The following MB21D2 variants were observed in gnomAD, a reference collection of about 807,000 sequenced individuals.
MB21D2 encodes the protein Mab-21 domain containing 2.
Under a neutral mutation model 33.3 loss-of-function variants are expected in MB21D2, and 9 were observed. The ratio of observed to expected loss-of-function variants is 0.27; its 90% CI spans 0.16 to 0.47. MB21D2 has a LOEUF of 0.47. MB21D2 is among the 20% of genes least tolerant of loss of function. MB21D2 has a pLI of 0.99. For missense variants in MB21D2, 540 were observed against 624.6 expected (o/e 0.86, Z 1.44); for synonymous variants, 241 against 236.3 (o/e 1.02, Z -0.18).
At position 192,899,191 on chromosome 3, in the gene MB21D2, T is replaced by C. The variant is rs147039236; in HGVS notation, c.211+18439A>G. 4.3e-4 allele frequency among the ~76,000 whole-genome samples: 66 copies of C among 152,188 alleles called. 1 individual carries two copies. In the East Asian group the frequency reaches 0.011, roughly 26 times the overall value. Reference sequence around the variant, plus strand: ...TGGTTATAGGAGAGGAAGCTAGAGATGTGGGCTGGAGCTGGGTTTCCAAGA... The same window carrying C: ...TGGTTATAGGAGAGGAAGCTAGAGACGTGGGCTGGAGCTGGGTTTCCAAGA... On this transcript the variant is annotated intron_variant, in intron 1 of 1. Transcript: ENST00000392452.
At position 192,914,710 on chromosome 3, in the gene MB21D2, C is replaced by T. The variant is rs560665380; in HGVS notation, c.211+2920G>A. ...AGACAATTGCAGCTAACACCTGCCT[C>T]CAAAAAAAAATCAGAATCTCTGTAC... On this transcript the variant is annotated intron_variant, in intron 1 of 1. Transcript: ENST00000392452. 2.0e-5 allele frequency among the ~76,000 whole-genome samples: 3 copies of T among 151,936 alleles called. No individual in the cohort carries two copies. The South Asian group carries it at 6.2e-4, about 32-fold the overall frequency.
intron 1 of MB21D2, among the ~76,000 whole-genome samples, chr3:192,835,589 G>A (rs1342407001): frequency 6.6e-6 from 1 of 151,086 alleles, no homozygotes; most frequent in Admixed American, 6.6e-5. Flanking sequence ...ATGACAATTT[G>A]ATCTAATTTC....
intron 1 of MB21D2, among the ~76,000 whole-genome samples, chr3:192,849,007 T>C (rs1379191753): frequency 1.3e-5 from 2 of 152,148 alleles, no homozygotes; most frequent in African/African-American, 2.4e-5. Flanking sequence ...TTTTTATTTC[T>C]TGGGCTCATC....
intron 1 of MB21D2, among the ~76,000 whole-genome samples, chr3:192,853,765 T>A (rs1301063991): frequency 2.6e-5 from 4 of 152,196 alleles, no homozygotes; most frequent in Admixed American, 6.5e-5. Context: ...TCTGTGGCAA[T>A]CCTGCATCGA....
Position 192,864,726 on chromosome 3 carries a change from C to T in MB21D2, c.211+52904G>A, listed in dbSNP as rs553725383. On this transcript the variant is annotated intron_variant, in intron 1 of 1. Transcript: ENST00000392452. ...TTCGCCATGTTGGCCAGGCTGGTCTCGGACTCCTAAGCTCAGGTGATCTGC... is the reference window on the plus strand; with the variant it reads ...TTCGCCATGTTGGCCAGGCTGGTCTTGGACTCCTAAGCTCAGGTGATCTGC... Among the ~76,000 whole-genome samples the T allele has an allele frequency of 3.0e-4, 45 of 152,212 alleles. No homozygotes were observed. In the South Asian group the frequency reaches 3.9e-3, roughly 13 times the overall value.
chr3:192,810,603 A>G (rs1339579997), intron 1 of MB21D2, among the ~76,000 whole-genome samples: 1 of 152,226 alleles, frequency 6.6e-6, no homozygotes, highest in Non-Finnish European at 1.5e-5. Context: ...AATAGTAGAT[A>G]TAATAGTAAA....
At chr3:192,900,880 A>G (rs1714083647) in intron 1 of MB21D2, among the ~76,000 whole-genome samples, 2 of 151,248 alleles carry the variant, frequency 1.3e-5, no homozygotes, top group African/African-American at 4.9e-5. Flanking sequence ...GGCAGAGGCT[A>G]TGGTGAGCTG....
chr3:192,842,613 T>C (rs534826168), intron 1 of MB21D2, among the ~76,000 whole-genome samples: 1 of 152,268 alleles, frequency 6.6e-6, no homozygotes, highest in Admixed American at 6.5e-5. Context: ...AGAGAACACA[T>C]GGAAGTAATA....
At chr3:192,814,542 T>A (rs1711869468) in intron 1 of MB21D2, among the ~76,000 whole-genome samples, 1 of 152,024 alleles carries the variant, frequency 6.6e-6, no homozygotes, top group Admixed American at 6.6e-5. Flanking sequence ...AAAGCTGCAG[T>A]GTTTTTAAAT....
At position 192,853,066 on chromosome 3, in the gene MB21D2, T is replaced by C. The variant is rs76536310; in HGVS notation, c.212-53416A>G. Reference sequence around the variant, plus strand: ...TCTCTCTCTCTCTCTGAGACCATTTTCATTGCTTTTTACCTGGTTTATATT... The same window carrying C: ...TCTCTCTCTCTCTCTGAGACCATTTCCATTGCTTTTTACCTGGTTTATATT... On this transcript the variant is annotated intron_variant, in intron 1 of 1. Transcript: ENST00000392452. Among the ~76,000 whole-genome samples, 36 of 151,894 alleles carry C rather than the reference T, an allele frequency of 2.4e-4. No homozygotes were observed. In the East Asian group the frequency reaches 6.9e-3, roughly 29 times the overall value.
chr3:192,884,289 CCCTTTT>C (rs1197472682), intron 1 of MB21D2, among the ~76,000 whole-genome samples: 6 of 152,238 alleles, frequency 3.9e-5, no homozygotes, highest in African/African-American at 1.4e-4. Context: ...AATCCTCTCT[CCCTTTT>C]AACTATATGG....
chr3:192,855,770 A>G (rs1712902667), intron 1 of MB21D2, among the ~76,000 whole-genome samples: 1 of 152,188 alleles, frequency 6.6e-6, no homozygotes, highest in Admixed American at 6.5e-5. Flanking sequence ...TGAAGCTTCA[A>G]AGAAGTTATA....
At chr3:192,865,239 T>C (rs1277018160) in intron 1 of MB21D2, among the ~76,000 whole-genome samples, 1 of 152,162 alleles carries the variant, frequency 6.6e-6, no homozygotes, top group East Asian at 1.9e-4. Flanking sequence ...GCTTTATTCT[T>C]ACAGCAACCC....
chr3:192,838,984 G>C (rs1712511468), intron 1 of MB21D2, among the ~76,000 whole-genome samples: 1 of 152,128 alleles, frequency 6.6e-6, no homozygotes, highest in Non-Finnish European at 1.5e-5. Flanking sequence ...CTGGGTTTGA[G>C]ACCCTACTTT....
intron 1 of MB21D2, among the ~76,000 whole-genome samples, chr3:192,838,162 G>C (rs1712481073): frequency 6.6e-6 from 1 of 152,170 alleles, no homozygotes; most frequent in Admixed American, 6.5e-5. Context: ...GTTCTTCACT[G>C]ACTGCTGGAA....
At chr3:192,913,176 G>A (rs1181005953) in intron 1 of MB21D2, among the ~76,000 whole-genome samples, 1 of 152,178 alleles carries the variant, frequency 6.6e-6, no homozygotes, top group East Asian at 1.9e-4. Context: ...CAGGAGGATT[G>A]CTTGAACTCA....
At chr3:192,900,581 C>T (rs1714075789) in intron 1 of MB21D2, among the ~76,000 whole-genome samples, 1 of 151,708 alleles carries the variant, frequency 6.6e-6, no homozygotes, top group Admixed American at 6.6e-5. Flanking sequence ...TTTCTTTGCC[C>T]ATCTCCTAAG....
chr3:192,838,580 C>G (rs537486552), intron 1 of MB21D2, among the ~76,000 whole-genome samples: 1 of 151,862 alleles, frequency 6.6e-6, no homozygotes, highest in Admixed American at 6.6e-5. Flanking sequence ...AGGCGCCCAC[C>G]GCCACACCCA....
At chr3:192,818,079 CT>C (rs2108615083) in intron 1 of MB21D2, among the ~76,000 whole-genome samples, 1 of 152,214 alleles carries the variant, frequency 6.6e-6, no homozygotes, top group East Asian at 1.9e-4. Context: ...TTCTACCCAC[CT>C]AAAAGCTTTT....
Sources: allele counts gnomAD v4.1 joint callset (sites outside exome capture counted in the v4.1 genomes callset), GRCh38; gene constraint gnomAD v4.1.1; transcripts MANE v1.5; gene names NCBI Gene and HGNC (gene_info 2026-07-23, HGNC 2026-07-21).